The following NDUFAF2 variants were observed in gnomAD, a reference collection of about 807,000 sequenced individuals.
The protein encoded by NDUFAF2 is NADH dehydrogenase [ubiquinone] 1 alpha subcomplex assembly factor 2.
NDUFAF2 carries 13 observed loss-of-function variants against 22.8 expected under a neutral mutation model. That is an observed-to-expected ratio of 0.57 (90% CI 0.37 to 0.91). NDUFAF2 has a LOEUF of 0.91. Among genes scored for constraint, NDUFAF2 ranks in the 40% least tolerant of loss-of-function variants. The pLI, the probability that NDUFAF2 is intolerant of heterozygous loss-of-function variation, is 0.01. For synonymous variants in NDUFAF2, 53 were observed against 64.2 expected (o/e 0.83, Z 0.84); for missense variants, 162 against 195.2 (o/e 0.83, Z 1.01).
At chr5:61,129,540 G>T (rs1349121978) in intron 3 of NDUFAF2, among the ~76,000 whole-genome samples, 1 of 151,510 alleles carries the variant, frequency 6.6e-6, no homozygotes, top group African/African-American at 2.4e-5. Context: ...ACTATTGCAA[G>T]GACAAAAAAC....
At chr5:60,969,206 T>C (rs1231521082) in intron 1 of NDUFAF2, among the ~76,000 whole-genome samples, 1 of 152,154 alleles carries the variant, frequency 6.6e-6, no homozygotes, top group East Asian at 1.9e-4. Flanking sequence ...TATACTGTTT[T>C]CCTGTCTTTT....
intron 3 of NDUFAF2, among the ~76,000 whole-genome samples, chr5:61,141,884 A>T (rs1741065177): frequency 6.6e-6 from 1 of 152,102 alleles, no homozygotes; most frequent in South Asian, 2.1e-4. Flanking sequence ...ATCCTAGGCC[A>T]GAAGAATTCT....
chr5:61,113,655 A>G (rs1467337049), intron 3 of NDUFAF2, among the ~76,000 whole-genome samples: 2 of 152,144 alleles, frequency 1.3e-5, no homozygotes, highest in Non-Finnish European at 1.5e-5. Context: ...TCATGTGAAG[A>G]AGGACATGTT....
intron 1 of NDUFAF2, among the ~76,000 whole-genome samples, chr5:61,038,614 C>T (rs1468020083): frequency 6.6e-6 from 1 of 152,178 alleles, no homozygotes; most frequent in East Asian, 1.9e-4. Context: ...ATTTTTCTCT[C>T]TTACCTTTTA....
chr5:61,056,939 T>G (rs1752107558), intron 1 of NDUFAF2, among the ~76,000 whole-genome samples: 1 of 122,248 alleles, frequency 8.2e-6, no homozygotes, highest in African/African-American at 3.3e-5. Context: ...TATATATATA[T>G]ATATATATAT....
At chr5:61,040,286 A>ACGCACGCGCGCGCG (rs1751859404) in intron 1 of NDUFAF2, among the ~76,000 whole-genome samples, 1 of 93,074 alleles carries the variant, frequency 1.1e-5, no homozygotes, top group Admixed American at 1.0e-4. Flanking sequence ...ACACACACAC[A>ACGCACGCGCGCGCG]CGCGCGCGCG....
intron 1 of NDUFAF2, among the ~76,000 whole-genome samples, chr5:60,977,656 G>C (rs1005547182): frequency 1.3e-5 from 2 of 151,904 alleles, no homozygotes; most frequent in African/African-American, 2.4e-5. Context: ...GGTCAATATG[G>C]TGAAACCCCG....
intron 1 of NDUFAF2, among the ~76,000 whole-genome samples, chr5:60,953,019 G>A (rs1386341839): frequency 6.6e-6 from 1 of 152,138 alleles, no homozygotes; most frequent in Non-Finnish European, 1.5e-5. Context: ...TGGATACCAT[G>A]AGGGGTAAAG....
At chr5:61,146,775 C>G (rs1008081655) in intron 3 of NDUFAF2, among the ~76,000 whole-genome samples, 9 of 152,174 alleles carry the variant, frequency 5.9e-5, no homozygotes, top group Non-Finnish European at 8.8e-5. Flanking sequence ...GTATATCAGA[C>G]TGCATAGTAT....
At chr5:60,993,999 CTA>C (rs1024346725) in intron 1 of NDUFAF2, among the ~76,000 whole-genome samples, 5 of 152,248 alleles carry the variant, frequency 3.3e-5, no homozygotes, top group Non-Finnish European at 2.9e-5. Flanking sequence ...TCTGCCCAGG[CTA>C]TTCATGCCAA....
At chr5:61,051,331 G>A (rs1012515499) in intron 1 of NDUFAF2, among the ~76,000 whole-genome samples, 1 of 151,764 alleles carries the variant, frequency 6.6e-6, no homozygotes, top group African/African-American at 2.4e-5. Flanking sequence ...TGTACTTATC[G>A]CTCTCTATTG....
chr5:61,077,959 AT>A lies in NDUFAF2; in HGVS notation c.217+4751del, dbSNP rs1208477977. On this transcript the variant is annotated intron_variant, in intron 2 of 3. Coordinates refer to ENST00000296597, the MANE Select transcript of NDUFAF2 (RefSeq NM_174889.5). ...TTTGAACCCAAATTATCTGCTTCCA[AT>A]TTTTTACTCAATATTATACTGCCTA... 6.6e-5 allele frequency among the ~76,000 whole-genome samples: 10 copies of A among 152,114 alleles called. 1 individual carries two copies. Among genetic ancestry groups the A allele is most frequent in the Admixed American group, 6.5e-4 (10 of 15,270 alleles).
chr5:61,108,585 T>C (rs1268478364), intron 3 of NDUFAF2, among the ~76,000 whole-genome samples: 1 of 150,220 alleles, frequency 6.7e-6, no homozygotes. Context: ...CTTTAGAAAT[T>C]TCATAGTTTG....
chr5:61,039,657 C>A (rs1374250193), intron 1 of NDUFAF2, among the ~76,000 whole-genome samples: 1 of 152,158 alleles, frequency 6.6e-6, no homozygotes, highest in Non-Finnish European at 1.5e-5. Context: ...CCTTAAGAAT[C>A]CCTCAGGTGG....
At chr5:61,004,862 C>G (rs981333015) in intron 1 of NDUFAF2, among the ~76,000 whole-genome samples, 7 of 152,098 alleles carry the variant, frequency 4.6e-5, no homozygotes, top group African/African-American at 1.7e-4. Flanking sequence ...AACTGGAATA[C>G]TAAATCCTAT....
At chr5:61,077,186 G>A (rs1274094758) in intron 2 of NDUFAF2, among the ~76,000 whole-genome samples, 1 of 152,150 alleles carries the variant, frequency 6.6e-6, no homozygotes, top group Non-Finnish European at 1.5e-5. Context: ...CAAATAAATG[G>A]TGTATAAAGC....
intron 1 of NDUFAF2, among the ~76,000 whole-genome samples, chr5:60,967,399 G>A (rs62365459): frequency 0.2 from 30,227 of 151,952 alleles, 3,575 homozygotes; most frequent in Non-Finnish European, 0.26. Flanking sequence ...GGTGAGAGGT[G>A]AGCATCCTTG....
intron 2 of NDUFAF2, among the ~76,000 whole-genome samples, chr5:61,080,651 C>A (rs1364899852): frequency 6.6e-6 from 1 of 151,996 alleles, no homozygotes; most frequent in Non-Finnish European, 1.5e-5. Flanking sequence ...ATCTGTATAT[C>A]TTCTTTGGTG....
At chr5:61,043,737 T>A (rs891074446) in intron 1 of NDUFAF2, among the ~76,000 whole-genome samples, 2 of 151,728 alleles carry the variant, frequency 1.3e-5, no homozygotes, top group African/African-American at 4.8e-5. Context: ...ACATCTATAT[T>A]ACATTTTCTT....
Sources: gnomAD v4.1 joint callset for allele counts (sites outside exome capture counted in the v4.1 genomes callset) on GRCh38, gnomAD v4.1.1 for gene constraint, MANE v1.5 for transcripts, NCBI Gene and HGNC (gene_info 2026-07-23, HGNC 2026-07-21) for gene names.